IPMK: variants seen among roughly 807,000 people sequenced by gnomAD.
IPMK encodes the protein inositol 1,3,4,6-tetrakisphosphate 5-kinase.
IPMK carries 17 observed loss-of-function variants against 45.8 expected under a neutral mutation model. The ratio of observed to expected loss-of-function variants is 0.37; its 90% CI spans 0.25 to 0.56. IPMK has a LOEUF of 0.56. Among genes scored for constraint, IPMK ranks in the 20% least tolerant of loss-of-function variants. The pLI is 0.79. For missense variants in IPMK, 399 were observed against 498.0 expected (o/e 0.80, Z 1.89); for synonymous variants, 180 against 184.3 (o/e 0.98, Z 0.19).
intron 4 of IPMK, among the ~76,000 whole-genome samples, chr10:58,203,286 T>C (rs1838022916): frequency 6.6e-6 from 1 of 152,154 alleles, no homozygotes; most frequent in South Asian, 2.1e-4. Context: ...TGATAAACCG[T>C]GAATGGATGA....
Position 58,251,645 on chromosome 10 carries a change from A to G in IPMK, c.191-13831T>C, listed in dbSNP as rs188853039. ...CTTTAGGTCCACTAATATGTTTTAT[A>G]TACTTGGGTCCTCCAGTGTTGAGTA... is the stretch of plus-strand genomic sequence containing the variant. On this transcript the variant is annotated intron_variant, in intron 1 of 5. Transcript: ENST00000373935. 1.5e-4 allele frequency among the ~76,000 whole-genome samples: 23 copies of G among 152,298 alleles called. No homozygotes were observed. In the East Asian group the frequency reaches 4.4e-3, roughly 29 times the overall value.
chr10:58,207,362 C>T (rs1482844299), intron 4 of IPMK, among the ~76,000 whole-genome samples: 1 of 152,228 alleles, frequency 6.6e-6, no homozygotes, highest in Non-Finnish European at 1.5e-5. Flanking sequence ...AATTGTACTG[C>T]TATAAACATG....
chr10:58,264,174 G>A (rs1839114856), intron 1 of IPMK, among the ~76,000 whole-genome samples: 1 of 152,170 alleles, frequency 6.6e-6, no homozygotes, highest in African/African-American at 2.4e-5. Flanking sequence ...ACACACTTTA[G>A]TATTAACATG....
intron 4 of IPMK, among the ~76,000 whole-genome samples, chr10:58,200,265 C>T (rs998921378): frequency 5.3e-5 from 8 of 152,026 alleles, no homozygotes; most frequent in Non-Finnish European, 7.4e-5. Flanking sequence ...ATTACAGGTG[C>T]GTGACAATAC....
At chr10:58,226,268 A>T (rs1838414419) in intron 3 of IPMK, among the ~76,000 whole-genome samples, 1 of 152,202 alleles carries the variant, frequency 6.6e-6, no homozygotes, top group African/African-American at 2.4e-5. Context: ...TTCTGTCCTC[A>T]AAGTGTGGTT....
chr10:58,234,467 A>T (rs987680467), intron 2 of IPMK, among the ~76,000 whole-genome samples: 6 of 152,324 alleles, frequency 3.9e-5, no homozygotes, highest in African/African-American at 1.4e-4. Context: ...CAAAACAGAG[A>T]TATAGACCAA....
chr10:58,203,658 G>A (rs558195660), intron 4 of IPMK, among the ~76,000 whole-genome samples: 1 of 152,296 alleles, frequency 6.6e-6, no homozygotes, highest in Non-Finnish European at 1.5e-5. Flanking sequence ...GTGGTTTCTT[G>A]AGATGGAATC....
chr10:58,255,152 G>A (rs1027099647), intron 1 of IPMK, among the ~76,000 whole-genome samples: 7 of 152,182 alleles, frequency 4.6e-5, no homozygotes, highest in South Asian at 2.1e-4. Context: ...TCTCTTCAAC[G>A]TGGTTTCCCA....
intron 3 of IPMK, among the ~76,000 whole-genome samples, chr10:58,226,495 T>G (rs1453422633): frequency 2.0e-5 from 3 of 152,252 alleles, no homozygotes; most frequent in African/African-American, 7.2e-5. Flanking sequence ...GCTTGTTTAA[T>G]TAAATTGTAT....
chr10:58,235,717 G>A (rs183368474), intron 2 of IPMK, among the ~76,000 whole-genome samples: 64 of 152,200 alleles, frequency 4.2e-4, no homozygotes, highest in African/African-American at 1.4e-3. Flanking sequence ...TGTAAATGAC[G>A]AGTTGATGGG....
intron 1 of IPMK, among the ~76,000 whole-genome samples, chr10:58,244,474 G>A (rs11510150): frequency 0.32 from 45,468 of 142,316 alleles, 9,757 homozygotes; most frequent in African/African-American, 0.6. Flanking sequence ...CCGCCGCCCC[G>A]TCTGGGAAGT....
chr10:58,260,780 T>A (rs536372865), intron 1 of IPMK, among the ~76,000 whole-genome samples: 2 of 152,196 alleles, frequency 1.3e-5, no homozygotes, highest in African/African-American at 2.4e-5. Context: ...ATTAAAGGAC[T>A]AAATAGAGAG....
intron 4 of IPMK, among the ~76,000 whole-genome samples, chr10:58,214,026 G>C (rs1838207671): frequency 6.6e-6 from 1 of 152,144 alleles, no homozygotes; most frequent in Non-Finnish European, 1.5e-5. Flanking sequence ...ATCTGCAGTT[G>C]GAAAGCAAAG....
At chr10:58,235,775 C>T (rs558497581) in intron 2 of IPMK, among the ~76,000 whole-genome samples, 62 of 151,756 alleles carry the variant, frequency 4.1e-4, no homozygotes, top group Non-Finnish European at 7.7e-4. Flanking sequence ...CAAACCTGCA[C>T]GTTGTGCACA....
chr10:58,246,725 A>G (rs1838806775), intron 1 of IPMK, among the ~76,000 whole-genome samples: 1 of 151,832 alleles, frequency 6.6e-6, no homozygotes. Flanking sequence ...AGGCATTACC[A>G]TTCAGGACAC....
chr10:58,209,980 G>C (rs1838133438), intron 4 of IPMK, among the ~76,000 whole-genome samples: 1 of 152,132 alleles, frequency 6.6e-6, no homozygotes. Context: ...TTTCTCACAT[G>C]ATGGGCAATG....
chr10:58,261,682 A>G (rs1414309555), intron 1 of IPMK, among the ~76,000 whole-genome samples: 1 of 151,668 alleles, frequency 6.6e-6, no homozygotes, highest in Admixed American at 6.6e-5. Context: ...TCCCAGGTTC[A>G]TGTGATTCTC....
At chr10:58,234,691 T>C (rs141138410) in intron 2 of IPMK, among the ~76,000 whole-genome samples, 9,242 of 152,196 alleles carry the variant, frequency 0.061, 327 homozygotes, top group African/African-American at 0.087. Context: ...ACTTAAATGT[T>C]AGACCTAAAA....
intron 4 of IPMK, among the ~76,000 whole-genome samples, chr10:58,206,258 T>G (rs532877361): frequency 1.3e-5 from 2 of 152,146 alleles, no homozygotes; most frequent in Non-Finnish European, 2.9e-5. Context: ...GGCAAATCCA[T>G]AGAGATAGAA....
Sources: allele counts gnomAD v4.1 joint callset (sites outside exome capture counted in the v4.1 genomes callset), GRCh38; gene constraint gnomAD v4.1.1; transcripts MANE v1.5; gene names NCBI Gene and HGNC (gene_info 2026-07-23, HGNC 2026-07-21).